OSCP1: variants seen among roughly 807,000 people sequenced by gnomAD.
OSCP1 encodes the protein protein OSCP1.
Under a neutral mutation model 45.1 loss-of-function variants are expected in OSCP1, and 35 were observed. The ratio of observed to expected loss-of-function variants is 0.78; its 90% CI spans 0.59 to 1.03. The LOEUF (loss-of-function observed/expected upper bound fraction) is 1.03. OSCP1 is among the 50% of genes least tolerant of loss of function. The probability of loss-of-function intolerance (pLI) is 0.00; values close to 1 mark genes in which losing one functional copy is unlikely to be tolerated. For synonymous variants in OSCP1, 179 were observed against 180.1 expected (o/e 0.99, Z 0.05); for missense variants, 400 against 470.7 (o/e 0.85, Z 1.39).
At chr1:36,423,723 A>C (rs1025642405) in intron 4 of OSCP1, among the ~76,000 whole-genome samples, 6 of 151,648 alleles carry the variant, frequency 4.0e-5, no homozygotes, top group Non-Finnish European at 4.4e-5. Flanking sequence ...AAATACAAAA[A>C]ATTAGCCGGG....
chr1:36,446,799 C>T (rs1486394335), intron 1 of OSCP1, among the ~76,000 whole-genome samples: 1 of 152,324 alleles, frequency 6.6e-6, no homozygotes, highest in African/African-American at 2.4e-5. Context: ...TCAGTTTCCT[C>T]TCCTGTAAAA....
At chr1:36,444,448 C>A (rs1022961612) in intron 1 of OSCP1, among the ~76,000 whole-genome samples, 7 of 152,046 alleles carry the variant, frequency 4.6e-5, no homozygotes, top group African/African-American at 9.7e-5. Context: ...TCTTTGTATA[C>A]AATCTGAGTT....
chr1:36,418,959 C>T (rs746210563), intron 9 of OSCP1, 32 bp downstream of exon 9: 47 of 1,514,284 alleles, frequency 3.1e-5, no homozygotes, highest in South Asian at 5.8e-5. Flanking sequence ...GAAGCGAATA[C>T]GATTGGACCC....
intron 2 of OSCP1, among the ~76,000 whole-genome samples, chr1:36,433,611 T>C (rs897161811): frequency 1.5e-4 from 23 of 152,160 alleles, no homozygotes; most frequent in Admixed American, 6.5e-4. Context: ...AATATACCCA[T>C]GTAACAAACC....
At chr1:36,427,943 T>C (rs1648083792) in intron 4 of OSCP1, among the ~76,000 whole-genome samples, 1 of 151,882 alleles carries the variant, frequency 6.6e-6, no homozygotes, top group Non-Finnish European at 1.5e-5. Context: ...ATTCCAGCAC[T>C]TTGGGAGGCC....
intron 4 of OSCP1, among the ~76,000 whole-genome samples, chr1:36,427,256 T>C (rs1411731524): frequency 1.3e-5 from 2 of 149,102 alleles, no homozygotes; most frequent in Non-Finnish European, 3.0e-5. Flanking sequence ...TGCCTTGGCC[T>C]CCCAAAGTGT....
chr1:36,422,548 G>T (rs1168185625), intron 6 of OSCP1, among the ~76,000 whole-genome samples: 1 of 152,142 alleles, frequency 6.6e-6, no homozygotes, highest in Non-Finnish European at 1.5e-5. Context: ...CATGGCTATT[G>T]AACATCATGT....
At chr1:36,431,704 T>G in intron 4 of OSCP1, 98 bp downstream of exon 4, 1 of 1,170,892 alleles carries the variant, frequency 8.5e-7, no homozygotes, top group Non-Finnish European at 1.2e-6. Context: ...CATCACTAAC[T>G]GGGCAAAATC....
At chr1:36,419,131 A>C in intron 8 of OSCP1, 77 bp from the exon 9 acceptor site, 1 of 1,322,488 alleles carries the variant, frequency 7.6e-7, no homozygotes. Context: ...GCTCTTGATC[A>C]GTTGGCAACC....
intron 4 of OSCP1, among the ~76,000 whole-genome samples, chr1:36,431,545 C>T (rs1648361887): frequency 3.3e-5 from 5 of 151,970 alleles, no homozygotes; most frequent in Admixed American, 3.3e-4. Flanking sequence ...CATATTTCCT[C>T]TGGAGAAGTA....
chr1:36,418,551 C>T, intron 9 of OSCP1: 2 of 451,264 alleles, frequency 4.4e-6, no homozygotes, highest in Non-Finnish European at 8.0e-6. Context: ...CAGCACTTAA[C>T]AGCTATATTG....
At chr1:36,430,189 C>T (rs2884612) in intron 4 of OSCP1, among the ~76,000 whole-genome samples, 21,033 of 151,574 alleles carry the variant, frequency 0.14, 1,739 homozygotes, top group East Asian at 0.3. Flanking sequence ...AATACAGACA[C>T]GCACCACCTT....
intron 1 of OSCP1, 51 bp from the exon 2 acceptor site, chr1:36,438,961 T>A: frequency 6.3e-7 from 1 of 1,581,420 alleles, no homozygotes; most frequent in East Asian, 2.2e-5. Flanking sequence ...AGCAAGCCTA[T>A]CCCGAAATGC....
intron 1 of OSCP1, among the ~76,000 whole-genome samples, chr1:36,448,580 G>A (rs1649677026): frequency 6.6e-6 from 1 of 152,196 alleles, no homozygotes; most frequent in African/African-American, 2.4e-5. Context: ...GAGCAGGCAT[G>A]GGGTGCTATG....
chr1:36,438,252 C>T (rs12724660), intron 2 of OSCP1, among the ~76,000 whole-genome samples: 39,479 of 141,258 alleles, frequency 0.28, 5,815 homozygotes, highest in Middle Eastern at 0.44. Context: ...GGGAGGCGGA[C>T]GTTGTGGTGA....
intron 7 of OSCP1, among the ~76,000 whole-genome samples, chr1:36,420,866 C>T (rs1313681354): frequency 6.6e-6 from 1 of 152,146 alleles, no homozygotes; most frequent in Non-Finnish European, 1.5e-5. Flanking sequence ...CCCCAGGGAT[C>T]CACGTTTCTC....
chr1:36,430,379 T>G (rs75026486), intron 4 of OSCP1, among the ~76,000 whole-genome samples: 15,540 of 152,052 alleles, frequency 0.1, 942 homozygotes, highest in East Asian at 0.29. Context: ...TAGAATTGCC[T>G]AGCTATGTAG....
At chr1:36,444,117 A>T (rs997977718) in intron 1 of OSCP1, 1 of 1,459,594 alleles carries the variant, frequency 6.9e-7, no homozygotes, top group African/African-American at 1.4e-5. Context: ...ACCAATTCCA[A>T]TGATCTTATC....
At chr1:36,418,334 T>G (rs1647398967) in intron 9 of OSCP1, 79 bp from the exon 10 acceptor site, 1 of 1,286,562 alleles carries the variant, frequency 7.8e-7, no homozygotes, top group Admixed American at 1.8e-5. Context: ...GGCACTTAGT[T>G]TTTTGTCCCA....
Sources: gnomAD v4.1 joint callset for allele counts (sites outside exome capture counted in the v4.1 genomes callset) on GRCh38, gnomAD v4.1.1 for gene constraint, MANE v1.5 for transcripts, NCBI Gene and HGNC (gene_info 2026-07-23, HGNC 2026-07-21) for gene names.